Variants in ZNF81 observed in about 807,000 individuals in gnomAD.
ZNF81 encodes the protein zinc finger protein 81.
In ZNF81, 5 loss-of-function variants were observed where a neutral mutation model predicts 32.3. The observed-to-expected ratio is 0.15, with a 90% CI of 0.08 to 0.33. ZNF81 has a LOEUF of 0.33. Among genes scored for constraint, ZNF81 ranks in the 10% least tolerant of loss-of-function variants. The pLI, the probability that ZNF81 is intolerant of heterozygous loss-of-function variation, is 1.00. For missense variants in ZNF81, 379 were observed against 479.8 expected, an observed-to-expected ratio of 0.79 and a Z score of 1.96; for synonymous variants, 163 against 166.8, an observed-to-expected ratio of 0.98 and a Z score of 0.17.
At chrX:47,875,780 T>A (rs1250241248) in intron 2 of ZNF81, among the ~76,000 whole-genome samples, 1 of 112,054 alleles carries the variant, frequency 8.9e-6, no homozygotes, top group East Asian at 2.8e-4. Context: ...TGAATAAGCA[T>A]TAAGCCCACT....
At position 47,915,816 on chromosome X, in the gene ZNF81, A is replaced by T; in HGVS notation, c.1170A>T (p.Glu390Asp). The T allele has an allele frequency of 4.1e-6, 5 of 1,211,666 alleles. No individual in the cohort carries two copies. Among genetic ancestry groups the T allele is most frequent in the African/African-American group, 1.7e-5 (1 of 57,807 alleles). Residue 390 changes from glutamate (E) to aspartate (D), a missense_variant, in exon 5 of 5, where the codon GAA (glutamate) becomes GAT (aspartate). Physicochemically the swap from Glu to Asp is conservative, Grantham distance 45 (BLOSUM62 2). Coordinates refer to ENST00000338637, the MANE Select transcript of ZNF81 (RefSeq NM_007137.5). Reference sequence around the variant, plus strand: ...GAGAAAAACTCTTTGAATGCAGTGAATGTGGTAAAGGCTTCTCCCTGAACT... The same window carrying T: ...GAGAAAAACTCTTTGAATGCAGTGATTGTGGTAAAGGCTTCTCCCTGAACT... ...HTGEKLFECS[E>D]CGKGFSLNSA...
intron 2 of ZNF81, among the ~76,000 whole-genome samples, chrX:47,849,331 A>G (rs782482726): frequency 2.7e-5 from 3 of 111,838 alleles, no homozygotes; most frequent in Non-Finnish European, 5.6e-5. Flanking sequence ...CTACTCCCAG[A>G]GCTAACTACT....
rs781788745 is a variant in ZNF81, at chrX:47,914,944, C to A, written c.298C>A (p.Pro100Thr). The A allele has an allele frequency of 9.9e-6, 12 of 1,208,223 alleles. No homozygotes were observed. The highest frequency in any genetic ancestry group is 1.3e-5 in the Non-Finnish European group (12 of 893,920). ...TTTAGATGGGAAATTTGGAATTAAG[C>A]CTTCCCAGAGGAGAATTTCTGGGAA... ...SCSDGKFGIK[P>T]SQRRISGKST... is the part of the protein sequence containing the mutation. The change falls in exon 5 of 5, where the codon CCT (proline) becomes ACT (threonine). Residue 100 changes from proline to threonine, a missense_variant. Transcript: ENST00000338637.
At chrX:47,870,301 T>C (rs950858161) in intron 2 of ZNF81, among the ~76,000 whole-genome samples, 1 of 112,120 alleles carries the variant, frequency 8.9e-6, no homozygotes. Flanking sequence ...AAGGGAGTGA[T>C]ACCATGCTTG....
chrX:47,867,630 A>G (rs1344671098), intron 2 of ZNF81, among the ~76,000 whole-genome samples: 2 of 112,325 alleles, frequency 1.8e-5, no homozygotes, highest in Non-Finnish European at 1.9e-5. Context: ...CAACATTTGC[A>G]TTGTGGGAAA....
At position 47,919,145 on chromosome X, in the gene ZNF81, T is replaced by C; in HGVS notation, c.*2513T>C. On this transcript the variant is annotated 3_prime_UTR_variant, in exon 5 of 5. Coordinates refer to ENST00000338637, the MANE Select transcript of ZNF81 (RefSeq NM_007137.5). ...AGGTCCTGGAATAGGGGTGAACACA[T>C]TTTGCATGGGGTGGTAATGTGAATA... 1 of 329,591 alleles carries C rather than the reference T, an allele frequency of 3.0e-6. No homozygotes were observed. The highest frequency in any genetic ancestry group is 5.9e-6 in the Non-Finnish European group (1 of 169,438). 27.2% of individuals were successfully genotyped at this position (329,591 alleles called of 1,213,427 possible).
intron 1 of ZNF81, 46 bp from the exon 2 acceptor site, chrX:47,846,059 T>TA: frequency 2.0e-6 from 1 of 501,150 alleles, no homozygotes; most frequent in African/African-American, 2.3e-5. Context: ...GATGTCTGTG[T>TA]AGTAAGTGCT....
chrX:47,871,726 T>C (rs2058581233), intron 2 of ZNF81, among the ~76,000 whole-genome samples: 1 of 111,658 alleles, frequency 9.0e-6, no homozygotes, highest in African/African-American at 3.3e-5. Flanking sequence ...TATGCACTTG[T>C]AAGATAGTTG....
intron 2 of ZNF81, 25 bp from the exon 3 acceptor site, chrX:47,887,974 C>T: frequency 8.3e-7 from 1 of 1,211,182 alleles, no homozygotes; most frequent in Non-Finnish European, 1.1e-6. Context: ...ATCATGTTGC[C>T]TTGAACAAGA....
chrX:47,901,125 T>A (rs1424196677), intron 4 of ZNF81, among the ~76,000 whole-genome samples: 1 of 111,007 alleles, frequency 9.0e-6, no homozygotes, highest in South Asian at 3.8e-4. Context: ...TTTGTTTTTT[T>A]ATTTTTGTTT....
At chrX:47,882,193 T>TAC (rs1171249122) in intron 2 of ZNF81, among the ~76,000 whole-genome samples, 1 of 111,246 alleles carries the variant, frequency 9.0e-6, no homozygotes, top group African/African-American at 3.3e-5. Context: ...TACATATATA[T>TAC]ACACACCCAT....
intron 4 of ZNF81, among the ~76,000 whole-genome samples, chrX:47,900,854 G>T (rs2058695841): frequency 9.0e-6 from 1 of 111,368 alleles, no homozygotes; most frequent in Non-Finnish European, 1.9e-5. Flanking sequence ...ACAGAATTAG[G>T]AATTTGCTTT....
At chrX:47,857,283 A>T (rs115400895) in intron 2 of ZNF81, among the ~76,000 whole-genome samples, 1,341 of 112,509 alleles carry the variant, frequency 0.012, 22 homozygotes, top group African/African-American at 0.039. Flanking sequence ...AAAAAATTTT[A>T]AAACTTTGCT....
rs181689284 is a variant in ZNF81, at chrX:47,914,580, T to G, written c.278-344T>G. Among the ~76,000 whole-genome samples, 261 of 112,149 alleles carry G rather than the reference T, an allele frequency of 2.3e-3. 1 individual carries two copies. The highest frequency in any genetic ancestry group is 1.5e-3 in the South Asian group (4 of 2,717). ...CATAGGTGCAATATTCTATACCATA[T>G]AGCCTAGATGTGTAGTAGGTTATAC... On this transcript the variant is annotated intron_variant, in intron 4 of 4. Coordinates refer to ENST00000338637, the MANE Select transcript of ZNF81 (RefSeq NM_007137.5).
intron 2 of ZNF81, among the ~76,000 whole-genome samples, chrX:47,875,021 C>T (rs184515314): frequency 8.3e-5 from 9 of 108,445 alleles, no homozygotes; most frequent in Non-Finnish European, 1.3e-4. Context: ...GGGAAACCCC[C>T]TAAGGGAACC....
At chrX:47,877,234 T>A (rs2058603608) in intron 2 of ZNF81, among the ~76,000 whole-genome samples, 1 of 111,675 alleles carries the variant, frequency 9.0e-6, no homozygotes, top group African/African-American at 3.3e-5. Flanking sequence ...GGATGGTCCC[T>A]TGGGCGACTG....
rs2058757192 is a variant in ZNF81 at position 47,916,433 on chromosome X, A to G, written c.1787A>G (p.His596Arg). Residue 596 changes from histidine (H) to arginine (R), a missense_variant, in exon 5 of 5, where the codon CAT (histidine) becomes CGT (arginine). Transcript: ENST00000338637. ...DCEKSFSKKPHLKVHQRIHTG... is the reference protein window; with the variant it reads ...DCEKSFSKKPRLKVHQRIHTG... ...GAGAAATCCTTCTCCAAGAAACCAC[A>G]TCTCAAAGTACATCAACGAATTCAC... The G allele has an allele frequency of 8.3e-7, 1 of 1,209,968 alleles. No homozygotes were observed. The highest frequency in any genetic ancestry group is 1.7e-5 in the African/African-American group (1 of 57,209).
intron 4 of ZNF81, 43 bp from the exon 5 acceptor site, chrX:47,914,881 G>A: frequency 1.7e-6 from 2 of 1,166,470 alleles, no homozygotes; most frequent in Non-Finnish European, 2.3e-6. Flanking sequence ...ATCTCTTGCG[G>A]TCTATTGTTT....
chrX:47,846,200 G>A lies in ZNF81; in HGVS notation c.-68G>A. 4 of 1,147,747 alleles carry A rather than the reference G, an allele frequency of 3.5e-6. No homozygotes were observed. The highest frequency in any genetic ancestry group is 4.7e-6 in the Non-Finnish European group (4 of 850,314). The allele number at this position is 1,147,747 out of a possible 1,213,427, so 94.6% of individuals were successfully genotyped here. ...CCCAGCAGTCCCCGTTGAGTCCACCGATCCCACTGGAATTATAAAGTTGTC... is the reference window on the plus strand; with the variant it reads ...CCCAGCAGTCCCCGTTGAGTCCACCAATCCCACTGGAATTATAAAGTTGTC... On this transcript the variant is annotated 5_prime_UTR_variant, in exon 2 of 5. Transcript: ENST00000338637.
Sources: allele counts gnomAD v4.1 joint callset (sites outside exome capture counted in the v4.1 genomes callset), GRCh38; gene constraint gnomAD v4.1.1; transcripts MANE v1.5; gene names NCBI Gene and HGNC (gene_info 2026-07-23, HGNC 2026-07-21).